Variants in TOX4 observed in about 807,000 individuals in gnomAD.
TOX4 encodes TOX high mobility group box family member 4, also known as epidermal Langerhans cell protein LCP1.
Under a neutral mutation model 61.0 loss-of-function variants are expected in TOX4, and 12 were observed. That is an observed-to-expected ratio of 0.20 (90% CI 0.13 to 0.32). TOX4 has a LOEUF of 0.32. Among genes scored for constraint, TOX4 ranks in the 10% least tolerant of loss-of-function variants. TOX4 has a pLI of 1.00. For missense variants in TOX4, 499 were observed against 753.3 expected, an observed-to-expected ratio of 0.66 and a Z score of 3.95; for synonymous variants, 268 against 274.8, an observed-to-expected ratio of 0.98 and a Z score of 0.24.
At position 21,488,826 on chromosome 14, in the gene TOX4, G is replaced by A. The variant is rs758657967; in HGVS notation, c.555G>A (p.Glu185=). 23 of 1,614,018 alleles carry A rather than the reference G, an allele frequency of 1.4e-5. No homozygotes were observed. Among genetic ancestry groups the A allele is most frequent in the Admixed American group, 3.3e-5 (2 of 59,984 alleles). The part of the protein sequence containing the change: ...TTPSPTSSLH[E]DGVEDFRRQL... Reference sequence around the variant, plus strand: ...CTTCACCTACTAGTTCACTTCACGAGGATGGTGTTGAGGATTTCCGGAGGG... The same window carrying A: ...CTTCACCTACTAGTTCACTTCACGAAGATGGTGTTGAGGATTTCCGGAGGG... The change falls in exon 4 of 9, where the codon GAG becomes GAA. Residue 185 remains glutamate, a synonymous_variant. Transcript: ENST00000448790.
In TOX4 at chr14:21,498,808, C is replaced by G. The variant is rs1891478524; in HGVS notation, c.*2202C>G. 1 of 543,132 alleles carries G rather than the reference C, an allele frequency of 1.8e-6. No homozygotes were observed. Among genetic ancestry groups the G allele is most frequent in the Non-Finnish European group, 3.3e-6 (1 of 304,384 alleles). 33.6% of individuals were successfully genotyped at this position (543,132 alleles called of 1,614,324 possible). On this transcript the variant is annotated 3_prime_UTR_variant, in exon 9 of 9. Transcript: ENST00000448790. ...CTTGGGTTGTGAAGAGAGTAGAAAC[C>G]CTAGGGAGCAGTGCTTTTGGGTCCT...
Position 21,499,027 on chromosome 14 carries a change from G to T in TOX4, c.*2421G>T. 1.9e-6 allele frequency: 3 copies of T among 1,610,906 alleles called. No individual in the cohort carries two copies. The highest frequency in any genetic ancestry group is 1.7e-6 in the Non-Finnish European group (2 of 1,177,088). ...AGCCTGTTCTCTGGTCACCTTACCA[G>T]TTGGGTTGCACATTGTGTGGTCGTC... On this transcript the variant is annotated 3_prime_UTR_variant, in exon 9 of 9. Transcript: ENST00000448790.
rs1383247815 is a variant in TOX4, at chr14:21,493,264, CTTTGTT to C, written c.1641+11_1641+16del. The C allele has an allele frequency of 3.8e-6, 6 of 1,593,298 alleles. No homozygotes were observed. The South Asian group carries it at 4.5e-5, about 12-fold the overall frequency. On this transcript the variant is annotated splice_region_variant and intron_variant, in intron 7 of 8. Coordinates refer to ENST00000448790, the MANE Select transcript of TOX4 (RefSeq NM_014828.4). ...CACAGATGTAGTTCCTGAGGTGAGC[CTTTGTT>C]TTTAAGTCTTTAGTCTAGTGGAAAT... is the stretch of plus-strand genomic sequence containing the variant.
In TOX4 at chr14:21,493,119, G is replaced by C. The variant is rs1891328761; in HGVS notation, c.1503G>C (p.Leu501Phe). 3 of 1,613,654 alleles carry C rather than the reference G, an allele frequency of 1.9e-6. No individual in the cohort carries two copies. Among genetic ancestry groups the C allele is most frequent in the Non-Finnish European group, 2.5e-6 (3 of 1,180,026 alleles). Residue 501 changes from leucine (L) to phenylalanine (F), a missense_variant, in exon 7 of 9, where the codon TTG (leucine) becomes TTC (phenylalanine). By Grantham distance (22) the Leu-to-Phe change is conservative. Coordinates refer to ENST00000448790, the MANE Select transcript of TOX4 (RefSeq NM_014828.4). ...TCAAGAGTGTGCCTCTACCCACTTT[G>C]AAAATGCAGACTACCTTAGTCCCAC... ...LQIKSVPLPT[L>F]KMQTTLVPPT...
In TOX4 at chr14:21,493,192, G is replaced by T. The variant is rs1343122344; in HGVS notation, c.1576G>T (p.Ala526Ser). Residue 526 changes from alanine to serine, a missense_variant, in exon 7 of 9, where the codon GCC becomes TCC. Physicochemically the swap from Ala to Ser is moderately conservative, Grantham distance 99 (BLOSUM62 1). This residue lies in a region of TOX4 where 296 missense variants were observed against 404.7 expected (regional missense o/e 0.73). Transcript: ENST00000448790. ...PERPMNNSPE[A>S]HTVEAPSPET... Reference sequence around the variant, plus strand: ...GCGGCCTATGAACAACAGCCCTGAGGCCCATACAGTGGAGGCACCTTCTCC... The same window carrying T: ...GCGGCCTATGAACAACAGCCCTGAGTCCCATACAGTGGAGGCACCTTCTCC... 9 of 1,614,188 alleles carry T rather than the reference G, an allele frequency of 5.6e-6. No individual in the cohort carries two copies. Among genetic ancestry groups the T allele is most frequent in the Non-Finnish European group, 7.6e-6 (9 of 1,180,028 alleles).
chr14:21,494,779 C>G (rs1891365688), intron 7 of TOX4, among the ~76,000 whole-genome samples: 1 of 149,300 alleles, frequency 6.7e-6, no homozygotes, highest in South Asian at 2.1e-4. Context: ...ATTAGCTGGG[C>G]ACGGTGATGG....
At chr14:21,488,332 C>T (rs1891224254) in intron 3 of TOX4, 1 of 433,074 alleles carries the variant, frequency 2.3e-6, no homozygotes, top group Non-Finnish European at 4.2e-6. Flanking sequence ...AAGTTGATAG[C>T]TCTTTGACTT....
At chr14:21,482,652 A>G (rs1426369240) in intron 2 of TOX4, 1 of 447,482 alleles carries the variant, frequency 2.2e-6, no homozygotes, top group Non-Finnish European at 4.5e-6. Flanking sequence ...TTCTGTGTCC[A>G]AACCACTTCT....
At chr14:21,478,556 A>G (rs939171528) in intron 2 of TOX4, among the ~76,000 whole-genome samples, 4 of 152,214 alleles carry the variant, frequency 2.6e-5, no homozygotes, top group Non-Finnish European at 1.5e-5. Context: ...GATATGTATC[A>G]CTTGTTTGGG....
At chr14:21,495,441 C>T (rs772596773) in intron 8 of TOX4, 49 bp downstream of exon 8, 8 of 1,569,814 alleles carry the variant, frequency 5.1e-6, no homozygotes, top group Admixed American at 1.8e-5. Flanking sequence ...GTCAATTCTA[C>T]TGGGAAACAT....
chr14:21,498,781 TC>T lies in TOX4; in HGVS notation c.*2177del. Reference sequence around the variant, plus strand: ...TACATCACAGAATGGCTGAGGAAGATCCTTGGGTTGTGAAGAGAGTAGAAAC... The same window carrying T: ...TACATCACAGAATGGCTGAGGAAGATCTTGGGTTGTGAAGAGAGTAGAAAC... On this transcript the variant is annotated 3_prime_UTR_variant, in exon 9 of 9. Coordinates refer to ENST00000448790, the MANE Select transcript of TOX4 (RefSeq NM_014828.4). The T allele has an allele frequency of 2.0e-6, 1 of 510,260 alleles. No individual in the cohort carries two copies. The highest frequency in any genetic ancestry group is 2.5e-5 in the South Asian group (1 of 39,450). The allele number at this position is 510,260 out of a possible 1,614,324, so 31.6% of individuals were successfully genotyped here.
Position 21,494,398 on chromosome 14 carries a change from G to C in TOX4, c.1642-831G>C, listed in dbSNP as rs540427144. On this transcript the variant is annotated intron_variant, in intron 7 of 8. Transcript: ENST00000448790. ...AGGCAGGTGGATCACCTGAGGTCAG[G>C]AGTTCAGGACCAGCCTGGCCAACAT... 1.1e-4 allele frequency among the ~76,000 whole-genome samples: 16 copies of C among 152,180 alleles called. No homozygotes were observed. In the South Asian group the frequency reaches 3.3e-3, roughly 32 times the overall value.
At position 21,497,294 on chromosome 14, in the gene TOX4, T is replaced by C. The variant is rs189428238; in HGVS notation, c.*688T>C. 15 of 152,316 alleles carry C rather than the reference T, an allele frequency of 9.8e-5. No homozygotes were observed. The East Asian group carries it at 2.7e-3, about 27-fold the overall frequency. The allele number at this position is 152,316 out of a possible 1,614,324, so 9.4% of individuals were successfully genotyped here. On this transcript the variant is annotated 3_prime_UTR_variant, in exon 9 of 9. Coordinates refer to ENST00000448790, the MANE Select transcript of TOX4 (RefSeq NM_014828.4). ...AACTATCTTTAAAAGACCATAGGTC[T>C]ATCATTATTTCTTAGACATAATCTA...
intron 7 of TOX4, among the ~76,000 whole-genome samples, chr14:21,494,731 CAGAG>C (rs1289462217): frequency 3.9e-5 from 5 of 129,366 alleles, no homozygotes; most frequent in East Asian, 4.5e-4. Flanking sequence ...GCCTGGGAGA[CAGAG>C]AGAGACTCCG....
chr14:21,477,664 AC>A, intron 2 of TOX4, 100 bp downstream of exon 2: 1 of 1,350,470 alleles, frequency 7.4e-7, no homozygotes, highest in Non-Finnish European at 1.0e-6. Context: ...GGGGCTGGGA[AC>A]CAAGGGCCGC....
chr14:21,484,871 C>G (rs111891087), intron 2 of TOX4, among the ~76,000 whole-genome samples: 5,364 of 105,492 alleles, frequency 0.051, 1,846 homozygotes, highest in African/African-American at 0.18. Flanking sequence ...GTTGGCCAGG[C>G]TGGTCTCGAA....
At chr14:21,488,900 A>C (rs1315147425) in intron 4 of TOX4, 50 bp downstream of exon 4, 1 of 1,599,640 alleles carries the variant, frequency 6.3e-7, no homozygotes, top group Admixed American at 1.7e-5. Flanking sequence ...TCTGGGATAA[A>C]ATTTTTGGGA....
chr14:21,490,156 G>A (rs1279866615), intron 5 of TOX4, among the ~76,000 whole-genome samples: 1 of 149,818 alleles, frequency 6.7e-6, no homozygotes, highest in African/African-American at 2.5e-5. Flanking sequence ...GGGTGACAGA[G>A]CAAGACCCCG....
chr14:21,499,096 C>A lies in TOX4; in HGVS notation c.*2490C>A. ...GAGTGCCAGGAGATAGTCTTTCAAT[C>A]ATGCCATAGATTTCATCTGGTTTAT... On this transcript the variant is annotated 3_prime_UTR_variant, in exon 9 of 9. Transcript: ENST00000448790. 6.2e-7 allele frequency: 1 copy of A among 1,614,182 alleles called. No homozygotes were observed. Among genetic ancestry groups the A allele is most frequent in the East Asian group, 2.2e-5 (1 of 44,886 alleles).
Sources: allele counts gnomAD v4.1 joint callset (sites outside exome capture counted in the v4.1 genomes callset), GRCh38; gene constraint gnomAD v4.1.1; regional missense constraint gnomAD v4.1.1; transcripts MANE v1.5; gene names NCBI Gene and HGNC (gene_info 2026-07-23, HGNC 2026-07-21).